GIP: variants seen among roughly 807,000 people sequenced by gnomAD.
GIP encodes the protein gastric inhibitory polypeptide, also known as glucose-dependent insulinotropic polypeptide.
In GIP, 16 loss-of-function variants were observed where a neutral mutation model predicts 18.1. The observed-to-expected ratio is 0.88, with a 90% CI of 0.60 to 1.34. The LOEUF is 1.34. Ranked by LOEUF, GIP falls within the 40% of genes most tolerant of loss-of-function variation. The pLI, the probability that GIP is intolerant of heterozygous loss-of-function variation, is 0.00. For synonymous variants in GIP, 76 were observed against 74.0 expected (o/e 1.03, Z -0.14); for missense variants, 192 against 183.4 (o/e 1.05, Z -0.27).
At chr17:48,965,134 G>A (rs9747749) in intron 2 of GIP, among the ~76,000 whole-genome samples, 57,120 of 91,042 alleles carry the variant, frequency 0.63, 15,501 homozygotes, top group African/African-American at 0.77. Context: ...GCGAGACTCC[G>A]TCTCAAAAAA....
intron 2 of GIP, among the ~76,000 whole-genome samples, chr17:48,966,676 A>G (rs1044561528): frequency 7.9e-5 from 12 of 152,104 alleles, no homozygotes; most frequent in African/African-American, 2.9e-4. Flanking sequence ...GCGTGGTGGT[A>G]CATGCCTGTG....
chr17:48,967,356 TTTC>T, intron 1 of GIP, 103 bp from the exon 2 acceptor site: 2 of 637,690 alleles, frequency 3.1e-6, no homozygotes, highest in Admixed American at 3.1e-5. Flanking sequence ...TCTTTTCCTT[TTTC>T]TTTTTTTTTT....
chr17:48,960,970 G>C lies in GIP; in HGVS notation c.368C>G (p.Pro123Arg), dbSNP rs747659410. 6.2e-7 allele frequency: 1 copy of C among 1,608,214 alleles called. No homozygotes were observed. Among genetic ancestry groups the C allele is most frequent in the Non-Finnish European group, 8.5e-7 (1 of 1,177,504 alleles). ...VEPQSSPAKN[P>R]SDEDLLRDLL... ...GTCCCGCAGCAAATCTTCATCGCTGGGGTTCTTGGCTGGGGAGCTGCAAGG... is the reference window on the plus strand; with the variant it reads ...GTCCCGCAGCAAATCTTCATCGCTGCGGTTCTTGGCTGGGGAGCTGCAAGG... Residue 123 changes from proline to arginine, a missense_variant, in exon 5 of 6, where the codon CCC (proline) becomes CGC (arginine). By Grantham distance (103) the Pro-to-Arg change is moderately radical. Coordinates refer to ENST00000357424, the MANE Select transcript of GIP (RefSeq NM_004123.3).
intron 1 of GIP, among the ~76,000 whole-genome samples, chr17:48,967,719 A>C (rs958928460): frequency 4.0e-5 from 6 of 151,806 alleles, no homozygotes; most frequent in South Asian, 2.1e-4. Flanking sequence ...GGTGCTGTGC[A>C]CTGGAGTTAG....
chr17:48,961,720 G>T lies in GIP; in HGVS notation c.350+7C>A. 1 of 1,592,588 alleles carries T rather than the reference G, an allele frequency of 6.3e-7. No individual in the cohort carries two copies. Among genetic ancestry groups the T allele is most frequent in the Non-Finnish European group, 8.6e-7 (1 of 1,162,966 alleles). On this transcript the variant is annotated splice_region_variant and intron_variant, in intron 4 of 5. Coordinates refer to ENST00000357424, the MANE Select transcript of GIP (RefSeq NM_004123.3). ...GCTCCCTCCCTTCCCTCTGCGCCCT[G>T]ACTCACCTCTGTGGCTCCACTGCCT...
intron 5 of GIP, among the ~76,000 whole-genome samples, chr17:48,959,772 A>C (rs113145464): frequency 0.055 from 7,002 of 126,800 alleles, 238 homozygotes; most frequent in African/African-American, 0.16. Flanking sequence ...GACAGGCAGG[A>C]CACAGGATGG....
chr17:48,967,094 T>C, intron 2 of GIP, 53 bp downstream of exon 2: 4 of 1,311,750 alleles, frequency 3.0e-6, no homozygotes, highest in South Asian at 2.4e-5. Context: ...ATCCAGAACC[T>C]GTCATCCCCT....
chr17:48,967,040 C>T (rs372329099), intron 2 of GIP, 107 bp downstream of exon 2: 1 of 831,764 alleles, frequency 1.2e-6, no homozygotes. Context: ...CTTCCTACCT[C>T]TTAGCCTGGA....
intron 2 of GIP, 129 bp downstream of exon 2, chr17:48,967,017 TA>T: frequency 1.5e-6 from 1 of 666,136 alleles, no homozygotes; most frequent in East Asian, 2.7e-5. Context: ...TGCCGGCAGG[TA>T]TTTCCCTGGA....
intron 3 of GIP, 71 bp downstream of exon 3, chr17:48,964,239 G>A (rs2411761): frequency 9.4e-5 from 110 of 1,174,162 alleles, no homozygotes; most frequent in Non-Finnish European, 1.3e-4. Context: ...GGCCACAGCC[G>A]GTGGCCTCCT....
intron 3 of GIP, among the ~76,000 whole-genome samples, chr17:48,962,043 C>T (rs914802932): frequency 2.0e-5 from 3 of 152,116 alleles, no homozygotes; most frequent in African/African-American, 4.8e-5. Flanking sequence ...GGGAGAAGGA[C>T]GAGGACAGTT....
At chr17:48,964,159 CAAA>C (rs11380752) in intron 3 of GIP, 148 bp downstream of exon 3, 17,211 of 354,246 alleles carry the variant, frequency 0.049, 1 homozygote, top group Middle Eastern at 0.07. Context: ...GACTCCATCT[CAAA>C]AAAAAAAAAA....
At chr17:48,966,255 TAAA>T (rs35523625) in intron 2 of GIP, among the ~76,000 whole-genome samples, 5 of 123,324 alleles carry the variant, frequency 4.1e-5, no homozygotes, top group Non-Finnish European at 3.3e-5. Flanking sequence ...AGACTCCAAT[TAAA>T]AAAAAAAAAA....
At chr17:48,959,592 A>C (rs2041188518) in intron 5 of GIP, among the ~76,000 whole-genome samples, 1 of 152,224 alleles carries the variant, frequency 6.6e-6, no homozygotes, top group Admixed American at 6.5e-5. Context: ...AATGGACTGA[A>C]GAATTTTCTA....
At chr17:48,965,546 A>T (rs62078383) in intron 2 of GIP, among the ~76,000 whole-genome samples, 1 of 148,052 alleles carries the variant, frequency 6.8e-6, no homozygotes, top group Non-Finnish European at 1.5e-5. Context: ...CGCTGCTTGC[A>T]GTAATCGGAG....
chr17:48,967,362 T>A, intron 1 of GIP, 109 bp from the exon 2 acceptor site: 1 of 171,298 alleles, frequency 5.8e-6, no homozygotes, highest in Non-Finnish European at 1.1e-5. Flanking sequence ...CCTTTTTCTT[T>A]TTTTTTTTTT....
Position 48,958,597 on chromosome 17 carries a change from G to T in GIP, c.*110C>A, listed in dbSNP as rs372897977. On this transcript the variant is annotated 3_prime_UTR_variant, in exon 6 of 6. Coordinates refer to ENST00000357424, the MANE Select transcript of GIP (RefSeq NM_004123.3). The stretch of plus-strand genomic sequence containing the variant: ...TTTAATAAATTTTCACAATGGGCTC[G>T]ACTTAGCATAAACTTTATTGGTTTG... 1.2e-6 allele frequency: 1 copy of T among 857,714 alleles called. No homozygotes were observed. The highest frequency in any genetic ancestry group is 2.7e-5 in the East Asian group (1 of 36,994). The allele number at this position is 857,714 out of a possible 1,614,324, so 53.1% of individuals were successfully genotyped here. A position where few individuals can be genotyped will look rare whatever the true frequency, so the allele number is the denominator to read the frequency against.
At chr17:48,965,243 G>A (rs1367211606) in intron 2 of GIP, among the ~76,000 whole-genome samples, 5 of 150,024 alleles carry the variant, frequency 3.3e-5, no homozygotes, top group African/African-American at 1.2e-4. Context: ...GGAGGTTGCA[G>A]TGAGCTGAAA....
chr17:48,958,957 C>T (rs1315027479), intron 5 of GIP, among the ~76,000 whole-genome samples: 3 of 151,622 alleles, frequency 2.0e-5, no homozygotes, highest in Non-Finnish European at 1.5e-5. Flanking sequence ...TGGGTTCACG[C>T]CATTCTCCTG....
Sources: allele counts gnomAD v4.1 joint callset (sites outside exome capture counted in the v4.1 genomes callset), GRCh38; gene constraint gnomAD v4.1.1; transcripts MANE v1.5; gene names NCBI Gene and HGNC (gene_info 2026-07-23, HGNC 2026-07-21).